The following CADPS2 variants were observed in gnomAD, a reference collection of about 807,000 sequenced individuals.
The protein encoded by CADPS2 is calcium-dependent secretion activator 2.
In CADPS2, 93 loss-of-function variants were observed where a neutral mutation model predicts 172.5. The observed-to-expected ratio is 0.54, with a 90% CI of 0.46 to 0.64. The LOEUF (loss-of-function observed/expected upper bound fraction) is 0.64, where lower values mean the gene tolerates loss of function less well. Among genes scored for constraint, CADPS2 ranks in the 30% least tolerant of loss-of-function variants. CADPS2 has a pLI of 0.00. For missense variants in CADPS2, 1,420 were observed against 1,565.9 expected (o/e 0.91, Z 1.57); for synonymous variants, 546 against 555.2 (o/e 0.98, Z 0.23).
intron 9 of CADPS2, among the ~76,000 whole-genome samples, chr7:122,493,069 A>G (rs2058441401): frequency 1.3e-5 from 2 of 152,202 alleles, no homozygotes; most frequent in African/African-American, 4.8e-5. Flanking sequence ...AAATCAAGGT[A>G]TTCTCTTCAT....
At chr7:122,878,234 T>TG (rs1194768561) in intron 1 of CADPS2, among the ~76,000 whole-genome samples, 15 of 118,476 alleles carry the variant, frequency 1.3e-4, no homozygotes, top group East Asian at 7.6e-4. Flanking sequence ...CACTCCAGCC[T>TG]GGCGACAGAG....
At chr7:122,695,378 C>T (rs2084937359) in intron 2 of CADPS2, among the ~76,000 whole-genome samples, 1 of 152,064 alleles carries the variant, frequency 6.6e-6, no homozygotes. Context: ...TCACTAGGTA[C>T]AAGAGAAAAT....
chr7:122,649,243 T>A (rs1188993573), intron 3 of CADPS2, among the ~76,000 whole-genome samples: 2 of 152,114 alleles, frequency 1.3e-5, no homozygotes, highest in Non-Finnish European at 2.9e-5. Context: ...AAAGCTGTTT[T>A]CTCCCTCATG....
At chr7:122,787,660 G>A (rs893952874) in intron 1 of CADPS2, among the ~76,000 whole-genome samples, 7 of 147,584 alleles carry the variant, frequency 4.7e-5, no homozygotes, top group South Asian at 2.2e-4. Flanking sequence ...TAATGTAAGT[G>A]CCTAGTGCAA....
chr7:122,766,749 A>C (rs1369303718), intron 1 of CADPS2, among the ~76,000 whole-genome samples: 1 of 152,178 alleles, frequency 6.6e-6, no homozygotes, highest in Non-Finnish European at 1.5e-5. Context: ...ATGTGGAAGA[A>C]TGTGTGTCAG....
At chr7:122,801,638 T>A (rs1201159201) in intron 1 of CADPS2, among the ~76,000 whole-genome samples, 2 of 151,752 alleles carry the variant, frequency 1.3e-5, no homozygotes, top group Non-Finnish European at 2.9e-5. Flanking sequence ...TTTCAGTAAA[T>A]GCAATGAGAA....
rs2080831438 is a variant in CADPS2, at chr7:122,663,412, A to G, written c.611T>C (p.Ile204Thr). ...LSKETVLSSW[I>T]AKYDAIYRGE... ...TCTGTAAATGGCATCATATTTGGCT[A>G]TCCATGAGCTCAACACTGTCTCTTT... The change falls in exon 3 of 30, where the codon ATA (isoleucine) becomes ACA (threonine). Residue 204 changes from isoleucine (I) to threonine (T), a missense_variant. Coordinates refer to ENST00000449022, the MANE Select transcript of CADPS2 (RefSeq NM_017954.11). 6.2e-7 allele frequency: 1 copy of G among 1,613,942 alleles called. No homozygotes were observed. The highest frequency in any genetic ancestry group is 1.3e-5 in the African/African-American group (1 of 75,032).
At chr7:122,609,729 A>G (rs541647200) in intron 6 of CADPS2, among the ~76,000 whole-genome samples, 2 of 152,320 alleles carry the variant, frequency 1.3e-5, no homozygotes, top group South Asian at 4.1e-4. Context: ...GGAAGGAAAT[A>G]GGTAATGGCC....
intron 20 of CADPS2, among the ~76,000 whole-genome samples, chr7:122,406,405 G>A (rs1178567569): frequency 6.6e-6 from 1 of 152,168 alleles, no homozygotes; most frequent in Non-Finnish European, 1.5e-5. Context: ...AATAAAAAAA[G>A]TTCCAAATGT....
chr7:122,397,708 C>T (rs1444112603), intron 20 of CADPS2, among the ~76,000 whole-genome samples: 1 of 152,098 alleles, frequency 6.6e-6, no homozygotes, highest in Non-Finnish European at 1.5e-5. Flanking sequence ...TCTATCTTCT[C>T]CATATGGTTT....
At chr7:122,513,339 A>C (rs2130838846) in intron 8 of CADPS2, 24 bp from the exon 9 acceptor site, 1 of 1,477,366 alleles carries the variant, frequency 6.8e-7, no homozygotes, top group South Asian at 1.2e-5. Flanking sequence ...CAAAAGCCAA[A>C]GAATACTTCA....
intron 2 of CADPS2, chr7:122,698,161 C>T (rs752035044): frequency 3.1e-6 from 5 of 1,613,924 alleles, no homozygotes; most frequent in Non-Finnish European, 4.2e-6. Context: ...GCAGCTATCC[C>T]CATTTGGATT....
In CADPS2 at chr7:122,607,368, T is replaced by A. The variant is rs185884827; in HGVS notation, c.1223+7813A>T. On this transcript the variant is annotated intron_variant, in intron 6 of 29. Coordinates refer to ENST00000449022, the MANE Select transcript of CADPS2 (RefSeq NM_017954.11). Reference sequence around the variant, plus strand: ...GAGAGATCCTAGAGTACCTAAGGATTGTGCTGTGGTAAGAATTAAGCTTCC... The same window carrying A: ...GAGAGATCCTAGAGTACCTAAGGATAGTGCTGTGGTAAGAATTAAGCTTCC... 4.5e-4 allele frequency among the ~76,000 whole-genome samples: 69 copies of A among 152,276 alleles called. 1 individual carries two copies. The highest frequency in any genetic ancestry group is 4.2e-3 in the Admixed American group (64 of 15,276).
intron 3 of CADPS2, among the ~76,000 whole-genome samples, chr7:122,646,730 T>C (rs1003402507): frequency 1.1e-4 from 17 of 152,238 alleles, no homozygotes; most frequent in African/African-American, 3.9e-4. Context: ...TTCATTTTTT[T>C]CCCTATATTC....
chr7:122,744,261 C>T (rs1403709662), intron 1 of CADPS2, among the ~76,000 whole-genome samples: 2 of 152,164 alleles, frequency 1.3e-5, no homozygotes, highest in Non-Finnish European at 2.9e-5. Context: ...ATAAAAAGTG[C>T]CTCACACCAC....
chr7:122,645,415 ATG>A (rs1491500353), intron 3 of CADPS2, among the ~76,000 whole-genome samples: 5 of 1,320 alleles, frequency 3.8e-3, no homozygotes, highest in Admixed American at 0.021. Context: ...ATATACACAC[ATG>A]TATATGTGTG....
In CADPS2 at chr7:122,387,043, G is replaced by A; in HGVS notation, c.3295C>T (p.Leu1099=). Residue 1099 remains leucine, a synonymous_variant, in exon 24 of 30, where the codon CTG becomes TTG. Transcript: ENST00000449022. ...CTACATACCTCTTGTCCTCCATCCA[G>A]GGCACAGAGTTTGGTGCTTTGCTTT... ...AKKQSTKLCA[L]DGGQEQQYHS... 6.4e-7 allele frequency: 1 copy of A among 1,558,188 alleles called. No homozygotes were observed. Among genetic ancestry groups the A allele is most frequent in the Non-Finnish European group, 8.7e-7 (1 of 1,149,492 alleles).
chr7:122,613,659 G>A (rs908983448), intron 6 of CADPS2, among the ~76,000 whole-genome samples: 2 of 151,544 alleles, frequency 1.3e-5, no homozygotes, highest in Non-Finnish European at 2.9e-5. Flanking sequence ...GTTGGGGGTT[G>A]ATAGCTAAAG....
Position 122,623,706 on chromosome 7 carries a change from T to C in CADPS2, c.868-1989A>G, listed in dbSNP as rs142913995. On this transcript the variant is annotated intron_variant, in intron 4 of 29. Transcript: ENST00000449022. ...TGCTCTTTGGTCTGGTTTTAACACC[T>C]AACTTGTTTGCTTATTAATTATGCG... 2.4e-3 allele frequency among the ~76,000 whole-genome samples: 366 copies of C among 152,318 alleles called. 2 individuals carry two copies. The highest frequency in any genetic ancestry group is 8.4e-3 in the African/African-American group (349 of 41,572).
Sources: gnomAD v4.1 joint callset for allele counts (sites outside exome capture counted in the v4.1 genomes callset) on GRCh38, gnomAD v4.1.1 for gene constraint, MANE v1.5 for transcripts, NCBI Gene and HGNC (gene_info 2026-07-23, HGNC 2026-07-21) for gene names.